Variants in MTA3 observed in about 807,000 individuals in gnomAD.
The protein encoded by MTA3 is metastasis associated 1 family member 3.
MTA3 carries 34 observed loss-of-function variants against 83.5 expected under a neutral mutation model. The observed-to-expected ratio is 0.41, with a 90% CI of 0.31 to 0.54. The LOEUF (loss-of-function observed/expected upper bound fraction) is 0.54. MTA3 is among the 20% of genes least tolerant of loss of function. The pLI, the probability that MTA3 is intolerant of heterozygous loss-of-function variation, is 0.33. For synonymous variants in MTA3, 303 were observed against 252.7 expected (o/e 1.20, Z -1.89); for missense variants, 761 against 726.4 (o/e 1.05, Z -0.55).
intron 6 of MTA3, 112 bp from the exon 7 acceptor site, chr2:42,656,088 G>T: frequency 1.4e-6 from 1 of 738,620 alleles, no homozygotes; most frequent in Non-Finnish European, 2.3e-6. Context: ...AAAACTGTGG[G>T]CACTTACCTT....
intron 3 of MTA3, among the ~76,000 whole-genome samples, chr2:42,580,787 G>C (rs1431653324): frequency 6.6e-6 from 1 of 152,134 alleles, no homozygotes; most frequent in Non-Finnish European, 1.5e-5. Context: ...GTAGAGACAG[G>C]GTTTCACCAT....
rs1457397963 is a variant in MTA3, at chr2:42,507,687, G to A, written c.-141+12433G>A. ...CTCACACCTGTAATCCCAACACTTC[G>A]GGAGACTGAGGTGGGAGGATCACTT... On this transcript the variant is annotated intron_variant, in intron 2 of 17. Coordinates refer to the MTA3 transcript ENST00000405592. Among the ~76,000 whole-genome samples the A allele has an allele frequency of 4.0e-5, 6 of 150,878 alleles. 1 individual carries two copies. The highest frequency in any genetic ancestry group is 2.6e-4 in the Admixed American group (4 of 15,098).
chr2:42,603,251 G>A (rs1295633706), intron 3 of MTA3, among the ~76,000 whole-genome samples: 8 of 151,984 alleles, frequency 5.3e-5, no homozygotes, highest in Admixed American at 3.9e-4. Context: ...AAGTTATTGA[G>A]GCCTTTTTAT....
intron 2 of MTA3, among the ~76,000 whole-genome samples, chr2:42,512,356 G>T (rs989140831): frequency 2.0e-5 from 3 of 152,112 alleles, no homozygotes; most frequent in African/African-American, 4.8e-5. Context: ...TTCCAGTGCT[G>T]TAACTCCATG....
At position 42,697,815 on chromosome 2, in the gene MTA3, C is replaced by A; in HGVS notation, c.1006C>A (p.Gln336Lys). ...AGCAGAAGCTGAGAGTAAACTGAAA[C>A]AAGTATATATCCCAACCTAGTAAGT... is the stretch of plus-strand genomic sequence containing the variant. ...KAAEAESKLK[Q>K]VYIPTYSKPN... is the part of the protein sequence containing the mutation. Residue 336 changes from glutamine to lysine, a missense_variant, in exon 11 of 17, where the codon CAA becomes AAA. Coordinates refer to ENST00000405094, the MANE Select transcript of MTA3 (RefSeq NM_001330442.2). 6.5e-7 allele frequency: 1 copy of A among 1,543,240 alleles called. No homozygotes were observed. Among genetic ancestry groups the A allele is most frequent in the Non-Finnish European group, 8.7e-7 (1 of 1,145,946 alleles).
intron 16 of MTA3, among the ~76,000 whole-genome samples, chr2:42,736,383 C>T (rs1668616080): frequency 6.6e-6 from 1 of 152,178 alleles, no homozygotes; most frequent in African/African-American, 2.4e-5. Context: ...CTGTGTCAGA[C>T]CTGAAGCCAA....
At chr2:42,729,406 T>C (rs1668097275) in intron 16 of MTA3, among the ~76,000 whole-genome samples, 1 of 151,846 alleles carries the variant, frequency 6.6e-6, no homozygotes, top group African/African-American at 2.4e-5. Flanking sequence ...CAGCCCAGAG[T>C]TTGAGGTCTT....
chr2:42,538,709 TAAAAAA>T (rs74857025), intron 2 of MTA3, among the ~76,000 whole-genome samples: 1 of 75,454 alleles, frequency 1.3e-5, no homozygotes, highest in Non-Finnish European at 2.5e-5. Context: ...TGACTCTTTC[TAAAAAA>T]AAAAAAAAAA....
intron 2 of MTA3, among the ~76,000 whole-genome samples, chr2:42,516,078 C>A (rs562173395): frequency 6.6e-6 from 1 of 152,000 alleles, no homozygotes; most frequent in African/African-American, 2.4e-5. Flanking sequence ...CCACGCCCAG[C>A]TGATTTTTTT....
chr2:42,580,187 T>A (rs1327781186), intron 3 of MTA3, among the ~76,000 whole-genome samples: 1 of 151,936 alleles, frequency 6.6e-6, no homozygotes, highest in Non-Finnish European at 1.5e-5. Context: ...GCTCAAGTGA[T>A]CCTCCTACCT....
chr2:42,635,724 G>C (rs939921743), intron 4 of MTA3, among the ~76,000 whole-genome samples: 4 of 151,884 alleles, frequency 2.6e-5, no homozygotes, highest in African/African-American at 9.7e-5. Flanking sequence ...ACTGTTTGTT[G>C]AACAAGGCAA....
At chr2:42,560,956 A>G (rs548948948) in intron 2 of MTA3, among the ~76,000 whole-genome samples, 1 of 152,166 alleles carries the variant, frequency 6.6e-6, no homozygotes, top group Non-Finnish European at 1.5e-5. Flanking sequence ...ATGTTTAAAA[A>G]CTTCTAAAGG....
chr2:42,637,510 G>A (rs189061032), intron 4 of MTA3, among the ~76,000 whole-genome samples: 4 of 152,206 alleles, frequency 2.6e-5, no homozygotes, highest in Admixed American at 1.3e-4. Flanking sequence ...GGAAACTAAC[G>A]CTTTAAATCT....
At chr2:42,608,251 G>A (rs1194045787) in intron 3 of MTA3, among the ~76,000 whole-genome samples, 1 of 152,196 alleles carries the variant, frequency 6.6e-6, no homozygotes, top group African/African-American at 2.4e-5. Flanking sequence ...GGTAAAGAGT[G>A]TAATTTTGTA....
chr2:42,740,008 T>C (rs752400292), intron 16 of MTA3, among the ~76,000 whole-genome samples: 7 of 152,212 alleles, frequency 4.6e-5, no homozygotes, highest in African/African-American at 7.2e-5. Flanking sequence ...AAGTTATCCA[T>C]GAGGGTTGGA....
chr2:42,595,795 A>G (rs560262570), intron 3 of MTA3, among the ~76,000 whole-genome samples: 9 of 152,218 alleles, frequency 5.9e-5, no homozygotes, highest in Non-Finnish European at 1.2e-4. Flanking sequence ...ATGACTTAGT[A>G]ATAAGTTACA....
At position 42,605,687 on chromosome 2, in the gene MTA3, G is replaced by A. The variant is rs1474587216; in HGVS notation, c.191-3771G>A. Among the ~76,000 whole-genome samples the A allele has an allele frequency of 6.3e-5, 8 of 127,716 alleles. No homozygotes were observed. In the East Asian group the frequency reaches 7.6e-4, roughly 12 times the overall value. The allele number at this position is 127,716 out of a possible 152,430, so 83.8% of individuals were successfully genotyped here. A position where few individuals can be genotyped will look rare whatever the true frequency, so the allele number is the denominator to read the frequency against. On this transcript the variant is annotated intron_variant, in intron 3 of 16. Coordinates refer to ENST00000405094, the MANE Select transcript of MTA3 (RefSeq NM_001330442.2). ...GGGCTGACCCCCCCACCTCCCTCCC[G>A]GATGGGGCGGCTGGCCGGGCGGGGG...
chr2:42,496,432 A>G (rs1176607535), intron 2 of MTA3, among the ~76,000 whole-genome samples: 1 of 152,166 alleles, frequency 6.6e-6, no homozygotes, highest in East Asian at 1.9e-4. Context: ...CTTAAAGCCA[A>G]TTCTATTCTT....
At chr2:42,640,070 G>A (rs1238341244) in intron 4 of MTA3, 103 bp from the exon 5 acceptor site, 3 of 777,816 alleles carry the variant, frequency 3.9e-6, no homozygotes, top group Non-Finnish European at 4.1e-6. Flanking sequence ...TAACTGCCAT[G>A]TAGTTTCTTA....
Sources: allele counts gnomAD v4.1 joint callset (sites outside exome capture counted in the v4.1 genomes callset), GRCh38; gene constraint gnomAD v4.1.1; transcripts MANE v1.5; gene names NCBI Gene and HGNC (gene_info 2026-07-23, HGNC 2026-07-21).